LSM7: variants seen among roughly 807,000 people sequenced by gnomAD.
LSM7 encodes U6 snRNA-associated Sm-like protein LSm7.
In LSM7, 13 loss-of-function variants were observed where a neutral mutation model predicts 14.1. That is an observed-to-expected ratio of 0.92 (90% CI 0.60 to 1.47). The LOEUF is 1.47. Ranked by LOEUF, LSM7 falls within the 40% of genes most tolerant of loss-of-function variation. The pLI, the probability that LSM7 is intolerant of heterozygous loss-of-function variation, is 0.00. For missense variants in LSM7, 108 were observed against 140.8 expected, an observed-to-expected ratio of 0.77 and a Z score of 1.18; for synonymous variants, 70 against 57.1, an observed-to-expected ratio of 1.23 and a Z score of -1.02.
At chr19:2,327,210 C>T (rs1968043817) in intron 2 of LSM7, among the ~76,000 whole-genome samples, 1 of 152,238 alleles carries the variant, frequency 6.6e-6, no homozygotes, top group African/African-American at 2.4e-5. Flanking sequence ...TCATGTCCTT[C>T]CATGTCCGGA....
In LSM7 at chr19:2,328,446, A is replaced by G. The variant is rs778217316; in HGVS notation, c.38T>C (p.Leu13Ser). 1 of 1,613,928 alleles carries G rather than the reference A, an allele frequency of 6.2e-7. No homozygotes were observed. The highest frequency in any genetic ancestry group is 1.1e-5 in the South Asian group (1 of 91,076). The part of the protein sequence containing the change: ...DKEKKKKESI[L>S]DLSKYIDKTI... Reference sequence around the variant, plus strand: ...CTTGTCGATGTACTTGGACAAGTCCAAGATGCTCTCCTTTTTCTTCTTCTC... The same window carrying G: ...CTTGTCGATGTACTTGGACAAGTCCGAGATGCTCTCCTTTTTCTTCTTCTC... The change falls in exon 2 of 4, where the codon TTG becomes TCG. Residue 13 changes from leucine to serine, a missense_variant. Leu to Ser is a moderately radical substitution (Grantham distance 145). Coordinates refer to ENST00000252622, the MANE Select transcript of LSM7 (RefSeq NM_016199.3).
intron 2 of LSM7, among the ~76,000 whole-genome samples, chr19:2,327,128 C>G (rs1047579598): frequency 1.3e-5 from 2 of 152,208 alleles, no homozygotes; most frequent in African/African-American, 4.8e-5. Context: ...GTTTCAGCTG[C>G]TAAATGGGTG....
rs76651436 is a variant in LSM7 at position 2,325,368 on chromosome 19, C to A, written c.98-1172G>T. On this transcript the variant is annotated intron_variant, in intron 2 of 3. Coordinates refer to ENST00000252622, the MANE Select transcript of LSM7 (RefSeq NM_016199.3). ...AGGCCCAGCAGCAGCTCCACCTCTG[C>A]GCTCACTGAGGGGCGTCCCGCAGCC... Among the ~76,000 whole-genome samples the A allele has an allele frequency of 3.9e-5, 6 of 151,936 alleles. No individual in the cohort carries two copies. In the East Asian group the frequency reaches 1.2e-3, roughly 29 times the overall value.
rs1389285954 is a variant in LSM7 at position 2,321,762 on chromosome 19, C to T, written c.230G>A (p.Arg77Gln). ...DTRQLGLVVCRGTSVVLICPQ... is the reference protein window; with the variant it reads ...DTRQLGLVVCQGTSVVLICPQ... ...GCAGATTAGCACCACGGACGTGCCC[C>T]GGCACACCACGAGGCCCAGCTGCCG... is the stretch of plus-strand genomic sequence containing the variant. The change falls in exon 4 of 4, where the codon CGG (arginine) becomes CAG (glutamine). Residue 77 changes from arginine (R) to glutamine (Q), a missense_variant. Coordinates refer to ENST00000252622, the MANE Select transcript of LSM7 (RefSeq NM_016199.3). The surrounding 1 kb of genome is among the most constrained non-coding windows in gnomAD (Gnocchi z 5.0). The T allele has an allele frequency of 1.9e-6, 3 of 1,559,240 alleles. No homozygotes were observed. The highest frequency in any genetic ancestry group is 1.7e-6 in the Non-Finnish European group (2 of 1,152,818).
intron 3 of LSM7, among the ~76,000 whole-genome samples, chr19:2,323,882 C>T (rs1967973079): frequency 6.6e-6 from 1 of 152,196 alleles, no homozygotes; most frequent in Admixed American, 6.5e-5. Flanking sequence ...TCTCCAGGCC[C>T]CACAACAATG....
chr19:2,321,830 G>A lies in LSM7; in HGVS notation c.170-8C>T, dbSNP rs1486274767. The A allele has an allele frequency of 1.4e-6, 2 of 1,449,722 alleles. No individual in the cohort carries two copies. Among genetic ancestry groups the A allele is most frequent in the African/African-American group, 2.9e-5 (2 of 69,124 alleles). 89.8% of individuals were successfully genotyped at this position (1,449,722 alleles called of 1,614,324 possible). A position where few individuals can be genotyped will look rare whatever the true frequency, so the allele number is the denominator to read the frequency against. ...TGTACTGGTCGTCAGGGTCTGGGGA[G>A]GAGCAGATAGAGAGGACTGAGGGAC... On this transcript the variant is annotated splice_region_variant and splice_polypyrimidine_tract_variant and intron_variant, in intron 3 of 3. Coordinates refer to ENST00000252622, the MANE Select transcript of LSM7 (RefSeq NM_016199.3). This position sits in a 1 kb window ranked among gnomAD's most constrained non-coding sequence, Gnocchi z 5.0.
At chr19:2,327,561 T>G (rs1188194709) in intron 2 of LSM7, among the ~76,000 whole-genome samples, 1 of 151,740 alleles carries the variant, frequency 6.6e-6, no homozygotes, top group Non-Finnish European at 1.5e-5. Flanking sequence ...CTTTTGAGAC[T>G]GGGCCTTGCT....
intron 2 of LSM7, chr19:2,324,719 C>T (rs758611492): frequency 6.2e-5 from 10 of 162,046 alleles, no homozygotes; most frequent in Admixed American, 1.8e-4. Context: ...CAGGCCACAG[C>T]GCGGATGCGC....
chr19:2,322,766 T>G (rs1967953365), intron 3 of LSM7, among the ~76,000 whole-genome samples: 2 of 152,116 alleles, frequency 1.3e-5, no homozygotes, highest in Non-Finnish European at 2.9e-5. Context: ...CAGGTTGGAG[T>G]GCAGCAGTGC....
chr19:2,328,352 TAA>T (rs1303794834), intron 2 of LSM7, 33 bp downstream of exon 2: 9 of 1,585,594 alleles, frequency 5.7e-6, no homozygotes, highest in Middle Eastern at 3.3e-4. Context: ...TTGAAATTTT[TAA>T]AGAGGGGGTA....
At position 2,328,567 on chromosome 19, in the gene LSM7, C is replaced by T; in HGVS notation, c.-1G>A. ...GATTCCGCCGCGCGCTCACCGCCAT[C>T]TTGTCGCGCCGTGTGGCTCTTCGCA... On this transcript the variant is annotated 5_prime_UTR_variant, in exon 1 of 4. Transcript: ENST00000252622. 6.3e-7 allele frequency: 1 copy of T among 1,585,376 alleles called. No individual in the cohort carries two copies. The highest frequency in any genetic ancestry group is 8.6e-7 in the Non-Finnish European group (1 of 1,167,602).
intron 3 of LSM7, among the ~76,000 whole-genome samples, chr19:2,322,506 A>C (rs529772869): frequency 2.6e-5 from 4 of 152,262 alleles, no homozygotes; most frequent in Admixed American, 1.3e-4. Context: ...GCGCCACTGC[A>C]CTCCAGCCTG....
At chr19:2,325,829 G>A (rs1968006225) in intron 2 of LSM7, among the ~76,000 whole-genome samples, 1 of 152,268 alleles carries the variant, frequency 6.6e-6, no homozygotes, top group Non-Finnish European at 1.5e-5. Context: ...CATCTGGGCT[G>A]CAAAGCTAAA....
At position 2,321,627 on chromosome 19, in the gene LSM7, C is replaced by T. The variant is rs376150608; in HGVS notation, c.*53G>A. On this transcript the variant is annotated 3_prime_UTR_variant, in exon 4 of 4. Transcript: ENST00000252622. The surrounding 1 kb of genome is among the most constrained non-coding windows in gnomAD (Gnocchi z 5.0). ...GCGGTGGGAGCAGCAGCCAAGTCCG[C>T]GGGAAACCGAGCTGCTCGGGCCTGC... The T allele has an allele frequency of 1.4e-4, 189 of 1,354,306 alleles. No individual in the cohort carries two copies. The African/African-American group carries it at 1.4e-3, about 10-fold the overall frequency. 83.9% of individuals were successfully genotyped at this position (1,354,306 alleles called of 1,614,324 possible). A position where few individuals can be genotyped will look rare whatever the true frequency, so the allele number is the denominator to read the frequency against.
intron 3 of LSM7, among the ~76,000 whole-genome samples, chr19:2,323,555 A>G (rs2145121489): frequency 6.6e-6 from 1 of 152,190 alleles, no homozygotes; most frequent in Non-Finnish European, 1.5e-5. Flanking sequence ...GGTTCAAGCG[A>G]TTCTCCTGCG....
At chr19:2,324,053 C>G (rs954668968) in intron 3 of LSM7, 72 bp downstream of exon 3, 3 of 947,148 alleles carry the variant, frequency 3.2e-6, no homozygotes, top group South Asian at 1.5e-5. Context: ...CACTGCCCCC[C>G]TCGTCCCGCT....
Position 2,321,596 on chromosome 19 carries a change from G to A in LSM7, c.*84C>T. The A allele has an allele frequency of 5.6e-6, 7 of 1,254,022 alleles. No homozygotes were observed. Among genetic ancestry groups the A allele is most frequent in the Non-Finnish European group, 7.1e-6 (7 of 984,082 alleles). The allele number at this position is 1,254,022 out of a possible 1,614,324, so 77.7% of individuals were successfully genotyped here. On this transcript the variant is annotated 3_prime_UTR_variant, in exon 4 of 4. Coordinates refer to ENST00000252622, the MANE Select transcript of LSM7 (RefSeq NM_016199.3). The surrounding 1 kb of genome is among the most constrained non-coding windows in gnomAD (Gnocchi z 5.0). ...GGAAAATGCTTCCGTTCCAGGAGGC[G>A]GTACTGCGGTGGGAGCAGCAGCCAA...
Position 2,324,497 on chromosome 19 carries a change from T to C in LSM7, c.98-301A>G, listed in dbSNP as rs978652806. 25 of 451,670 alleles carry C rather than the reference T, an allele frequency of 5.5e-5. No homozygotes were observed. The East Asian group carries it at 6.3e-4, about 11-fold the overall frequency. 28.0% of individuals were successfully genotyped at this position (451,670 alleles called of 1,614,324 possible). ...GGAGGCAGCTTCGGTAATGAGTCCA[T>C]GTGTGGCTGAACTGCGGCCGGTCAG... On this transcript the variant is annotated intron_variant, in intron 2 of 3. Coordinates refer to ENST00000252622, the MANE Select transcript of LSM7 (RefSeq NM_016199.3).
At chr19:2,326,816 AAT>A (rs1225538524) in intron 2 of LSM7, among the ~76,000 whole-genome samples, 7 of 152,324 alleles carry the variant, frequency 4.6e-5, no homozygotes, top group African/African-American at 1.7e-4. Flanking sequence ...CGAATAACTG[AAT>A]ATGGACAAAT....
Sources: allele counts gnomAD v4.1 joint callset (sites outside exome capture counted in the v4.1 genomes callset), GRCh38; gene constraint gnomAD v4.1.1; non-coding constraint Gnocchi (gnomAD v3.1); transcripts MANE v1.5; gene names NCBI Gene and HGNC (gene_info 2026-07-23, HGNC 2026-07-21).